ANKRD27: variants seen among roughly 807,000 people sequenced by gnomAD.
The protein encoded by ANKRD27 is ankyrin repeat domain 27, also known as ankyrin repeat domain-containing protein 27.
ANKRD27 carries 112 observed loss-of-function variants against 129.7 expected under a neutral mutation model. That is an observed-to-expected ratio of 0.86 (90% CI 0.74 to 1.01). The LOEUF is 1.01. ANKRD27 is among the 50% of genes least tolerant of loss of function. The probability of loss-of-function intolerance (pLI) is 0.00; values close to 1 mark genes in which losing one functional copy is unlikely to be tolerated. For synonymous variants in ANKRD27, 516 were observed against 511.2 expected (o/e 1.01, Z -0.13); for missense variants, 1,258 against 1,300.5 (o/e 0.97, Z 0.50).
At chr19:32,647,430 C>T (rs58229578) in intron 3 of ANKRD27, among the ~76,000 whole-genome samples, 3,672 of 152,266 alleles carry the variant, frequency 0.024, 69 homozygotes, top group East Asian at 0.11. Flanking sequence ...TTTTGTTTTG[C>T]TTTTAAAGCG....
At position 32,619,246 on chromosome 19, in the gene ANKRD27, T is replaced by G; in HGVS notation, c.2007+14A>C. ...AAGGCCTCCCCTCCCCAGCCCTTCC[T>G]CTGGAAGCCTCACCTCTCTGTAGTC... On this transcript the variant is annotated intron_variant, in intron 20 of 28. Coordinates refer to ENST00000306065, the MANE Select transcript of ANKRD27 (RefSeq NM_032139.3). 6.3e-6 allele frequency: 10 copies of G among 1,587,308 alleles called. No homozygotes were observed. Among genetic ancestry groups the G allele is most frequent in the South Asian group, 1.1e-5 (1 of 90,244 alleles).
intron 1 of ANKRD27, among the ~76,000 whole-genome samples, chr19:32,665,921 C>T (rs946058618): frequency 6.6e-5 from 10 of 151,796 alleles, no homozygotes; most frequent in African/African-American, 1.9e-4. Flanking sequence ...CGCCACAACA[C>T]CAGCTAACTT....
intron 1 of ANKRD27, chr19:32,672,870 A>G (rs148336659): frequency 1.3e-5 from 2 of 152,488 alleles, no homozygotes; most frequent in Non-Finnish European, 2.9e-5. Flanking sequence ...ACCTCAGGAC[A>G]AATCAAGTCT....
intron 17 of ANKRD27, among the ~76,000 whole-genome samples, chr19:32,623,625 T>C (rs976498778): frequency 2.0e-5 from 3 of 150,700 alleles, no homozygotes; most frequent in African/African-American, 4.9e-5. Context: ...TCTCAGCTCA[T>C]TGCAACCTCC....
intron 1 of ANKRD27, among the ~76,000 whole-genome samples, chr19:32,670,596 C>T (rs889945007): frequency 5.9e-5 from 9 of 152,100 alleles, no homozygotes; most frequent in Non-Finnish European, 1.0e-4. Flanking sequence ...ATCACTTCAA[C>T]CCAGGAGGCG....
At position 32,659,061 on chromosome 19, in the gene ANKRD27, G is replaced by C; in HGVS notation, c.-30-16C>G. 7.3e-7 allele frequency: 1 copy of C among 1,361,436 alleles called. No homozygotes were observed. The highest frequency in any genetic ancestry group is 1.1e-6 in the Non-Finnish European group (1 of 950,646). The allele number at this position is 1,361,436 out of a possible 1,614,324, so 84.3% of individuals were successfully genotyped here. A position where few individuals can be genotyped will look rare whatever the true frequency, so the allele number is the denominator to read the frequency against. ...AGCAAATCTCCTGCAATAAGGGAGG[G>C]AAAAGCAGTGAATAGCCATTTTCGA... On this transcript the variant is annotated splice_polypyrimidine_tract_variant and intron_variant, in intron 1 of 28. Transcript: ENST00000306065.
intron 12 of ANKRD27, among the ~76,000 whole-genome samples, chr19:32,635,865 T>C (rs1338746437): frequency 1.3e-5 from 2 of 152,202 alleles, no homozygotes; most frequent in African/African-American, 4.8e-5. Context: ...ACTGTGTTCA[T>C]TCCTTGTTAC....
intron 2 of ANKRD27, among the ~76,000 whole-genome samples, chr19:32,650,030 GA>G (rs992159468): frequency 6.6e-6 from 1 of 152,156 alleles, no homozygotes; most frequent in African/African-American, 2.4e-5. Context: ...CAGGCAGAGG[GA>G]GGAGGCGAAC....
chr19:32,649,465 G>C (rs142197138), intron 3 of ANKRD27, among the ~76,000 whole-genome samples: 1 of 151,956 alleles, frequency 6.6e-6, no homozygotes, highest in South Asian at 2.1e-4. Context: ...GGCACCTCCC[G>C]GCCTCCAAGA....
chr19:32,666,520 TTG>T (rs1306520119), intron 1 of ANKRD27: 2 of 152,244 alleles, frequency 1.3e-5, no homozygotes, highest in Admixed American at 6.5e-5. Context: ...AACCAGTGCT[TTG>T]TGTGTTTCAT....
intron 1 of ANKRD27, chr19:32,666,493 T>C (rs1228029147): frequency 1.3e-5 from 2 of 152,212 alleles, no homozygotes; most frequent in Admixed American, 6.6e-5. Flanking sequence ...GACTGCTCCA[T>C]GCTGCTAACT....
chr19:32,610,717 G>A (rs1229294991), intron 22 of ANKRD27, among the ~76,000 whole-genome samples: 3 of 151,916 alleles, frequency 2.0e-5, no homozygotes, highest in Non-Finnish European at 4.4e-5. Context: ...TCTTGAACCC[G>A]AGAGGCAGAG....
chr19:32,656,462 G>A (rs1967539715), intron 2 of ANKRD27, among the ~76,000 whole-genome samples: 2 of 152,146 alleles, frequency 1.3e-5, no homozygotes, highest in Admixed American at 6.6e-5. Flanking sequence ...ACCATCTTTC[G>A]CACTAGAATT....
intron 1 of ANKRD27, among the ~76,000 whole-genome samples, chr19:32,669,391 T>C (rs1967823234): frequency 6.6e-6 from 1 of 152,226 alleles, no homozygotes; most frequent in Admixed American, 6.5e-5. Context: ...CAGATAATCC[T>C]TTTATGAGTC....
intron 22 of ANKRD27, among the ~76,000 whole-genome samples, chr19:32,611,591 T>C (rs1326138370): frequency 6.6e-6 from 1 of 152,108 alleles, no homozygotes; most frequent in East Asian, 1.9e-4. Context: ...ATCCATTTTC[T>C]TTTTTTTGAG....
intron 13 of ANKRD27, among the ~76,000 whole-genome samples, chr19:32,629,111 G>A (rs1335411327): frequency 3.9e-5 from 6 of 152,138 alleles, no homozygotes; most frequent in African/African-American, 1.4e-4. Context: ...AGTAGACACG[G>A]GGTTTTGCCA....
chr19:32,604,153 C>G (rs529259991), intron 25 of ANKRD27, 110 bp downstream of exon 25: 10 of 1,280,270 alleles, frequency 7.8e-6, no homozygotes, highest in Non-Finnish European at 1.0e-5. Context: ...CCCAGCCCGG[C>G]GATGCCAAGG....
At chr19:32,636,743 T>A (rs866100848) in intron 12 of ANKRD27, among the ~76,000 whole-genome samples, 6 of 145,286 alleles carry the variant, frequency 4.1e-5, no homozygotes, top group East Asian at 2.0e-4. Context: ...ATATATATTT[T>A]TTATATATAT....
At chr19:32,616,177 C>A (rs1971915622) in intron 21 of ANKRD27, among the ~76,000 whole-genome samples, 2 of 152,020 alleles carry the variant, frequency 1.3e-5, no homozygotes, top group South Asian at 4.1e-4. Context: ...CCAGCCTGGG[C>A]AACAGAGCAA....
Sources: allele counts gnomAD v4.1 joint callset (sites outside exome capture counted in the v4.1 genomes callset), GRCh38; gene constraint gnomAD v4.1.1; transcripts MANE v1.5; gene names NCBI Gene and HGNC (gene_info 2026-07-23, HGNC 2026-07-21).